Variants in PDSS2 observed in about 807,000 individuals in gnomAD.
The protein encoded by PDSS2 is decaprenyl diphosphate synthase subunit 2, also known as all trans-polyprenyl-diphosphate synthase PDSS2.
Under a neutral mutation model 44.5 loss-of-function variants are expected in PDSS2, and 31 were observed. The observed-to-expected ratio is 0.70, with a 90% CI of 0.52 to 0.94. The LOEUF (loss-of-function observed/expected upper bound fraction) is 0.94. PDSS2 is among the 40% of genes least tolerant of loss of function. The pLI, the probability that PDSS2 is intolerant of heterozygous loss-of-function variation, is 0.00. For missense variants in PDSS2, 452 were observed against 482.2 expected (o/e 0.94, Z 0.59); for synonymous variants, 157 against 180.3 (o/e 0.87, Z 1.03).
chr6:107,444,151 C>G (rs1781594506), intron 1 of PDSS2, among the ~76,000 whole-genome samples: 1 of 152,140 alleles, frequency 6.6e-6, no homozygotes, highest in South Asian at 2.1e-4. Context: ...CTTCAGCCTT[C>G]CAAGTAGCTG....
intron 1 of PDSS2, among the ~76,000 whole-genome samples, chr6:107,387,644 TA>T (rs1200197242): frequency 1.3e-5 from 2 of 152,106 alleles, no homozygotes; most frequent in African/African-American, 4.8e-5. Flanking sequence ...TACTGAAGCA[TA>T]AAGGTCTGAA....
intron 1 of PDSS2, among the ~76,000 whole-genome samples, chr6:107,442,314 G>A (rs1277095196): frequency 6.6e-6 from 1 of 152,134 alleles, no homozygotes; most frequent in Non-Finnish European, 1.5e-5. Flanking sequence ...CTACTCGGGA[G>A]GCTGAGGCAG....
At chr6:107,195,271 G>A (rs1459745749) in intron 6 of PDSS2, among the ~76,000 whole-genome samples, 1 of 151,918 alleles carries the variant, frequency 6.6e-6, no homozygotes, top group East Asian at 1.9e-4. Context: ...GTTTGAGCCC[G>A]TGAGTTCAAG....
chr6:107,448,107 C>A (rs981673967), intron 1 of PDSS2, among the ~76,000 whole-genome samples: 1 of 152,122 alleles, frequency 6.6e-6, no homozygotes, highest in African/African-American at 2.4e-5. Context: ...GGACCTGGCC[C>A]AGGAAACCAT....
intron 3 of PDSS2, among the ~76,000 whole-genome samples, chr6:107,248,731 T>C (rs1307937496): frequency 6.6e-6 from 1 of 152,208 alleles, no homozygotes; most frequent in Non-Finnish European, 1.5e-5. Context: ...CTTTTACAAA[T>C]GCAAGTCTTA....
chr6:107,190,863 C>G (rs367746731), intron 7 of PDSS2, among the ~76,000 whole-genome samples: 1 of 152,010 alleles, frequency 6.6e-6, no homozygotes. Flanking sequence ...CAGCAAGCTC[C>G]GAATGTGCCG....
At chr6:107,336,828 GTGTGTGT>G (rs1777910527) in intron 1 of PDSS2, among the ~76,000 whole-genome samples, 23 of 724 alleles carry the variant, frequency 0.032, no homozygotes, top group Non-Finnish European at 0.087. Flanking sequence ...GGTGTGTGGT[GTGTGTGT>G]GTGTGTGTGT....
intron 2 of PDSS2, among the ~76,000 whole-genome samples, chr6:107,323,138 T>C (rs1164552537): frequency 6.6e-6 from 1 of 152,200 alleles, no homozygotes; most frequent in Non-Finnish European, 1.5e-5. Context: ...GGTTTATCAG[T>C]GGACATGGGT....
chr6:107,221,064 C>A (rs543620830), intron 4 of PDSS2, among the ~76,000 whole-genome samples: 1 of 152,140 alleles, frequency 6.6e-6, no homozygotes, highest in Non-Finnish European at 1.5e-5. Flanking sequence ...TATATCAGGA[C>A]GGGCGCGGTG....
chr6:107,243,627 A>G (rs1289579050), intron 4 of PDSS2, among the ~76,000 whole-genome samples: 2 of 152,246 alleles, frequency 1.3e-5, no homozygotes, highest in Admixed American at 6.5e-5. Context: ...TATAATTATC[A>G]TAGAGTGGGA....
At chr6:107,192,330 G>T in intron 7 of PDSS2, 1 of 508,402 alleles carries the variant, frequency 2.0e-6, no homozygotes, top group South Asian at 1.5e-5. Context: ...GGAGAGAAAG[G>T]ACTTGACAGC....
At chr6:107,434,193 C>T (rs918537811) in intron 1 of PDSS2, among the ~76,000 whole-genome samples, 3 of 152,156 alleles carry the variant, frequency 2.0e-5, no homozygotes, top group African/African-American at 2.4e-5. Context: ...GAAAACAGTA[C>T]GCAAGTTCCT....
At chr6:107,320,696 A>ATAC (rs1417181130) in intron 2 of PDSS2, among the ~76,000 whole-genome samples, 6 of 152,220 alleles carry the variant, frequency 3.9e-5, no homozygotes, top group African/African-American at 1.4e-4. Flanking sequence ...TTTAAATTAT[A>ATAC]TAGAGCCCCA....
At chr6:107,206,363 T>C (rs946113140) in intron 6 of PDSS2, among the ~76,000 whole-genome samples, 14 of 152,186 alleles carry the variant, frequency 9.2e-5, no homozygotes, top group Non-Finnish European at 1.6e-4. Context: ...TGAGCCACCA[T>C]GCCCGGCCTG....
intron 6 of PDSS2, among the ~76,000 whole-genome samples, chr6:107,202,963 T>G (rs1003817264): frequency 1.3e-5 from 2 of 152,070 alleles, no homozygotes; most frequent in African/African-American, 4.8e-5. Flanking sequence ...GTCTTGTTAT[T>G]TCTTTGTAAC....
At chr6:107,244,066 T>C (rs1224872842) in intron 4 of PDSS2, among the ~76,000 whole-genome samples, 1 of 152,128 alleles carries the variant, frequency 6.6e-6, no homozygotes, top group African/African-American at 2.4e-5. Context: ...AGGCTGAGGT[T>C]GTGGTGAGCC....
rs1446805737 is a variant in PDSS2 at position 107,262,771 on chromosome 6, C to CA, written c.630+11257dup. Among the ~76,000 whole-genome samples, 209 of 137,896 alleles carry CA rather than the reference C, an allele frequency of 1.5e-3. 1 individual carries two copies. The highest frequency in any genetic ancestry group is 6.9e-3 in the Admixed American group (94 of 13,676). The allele number at this position is 137,896 out of a possible 152,430, so 90.5% of individuals were successfully genotyped here. A position where few individuals can be genotyped will look rare whatever the true frequency, so the allele number is the denominator to read the frequency against. On this transcript the variant is annotated intron_variant, in intron 3 of 7. Transcript: ENST00000369037. ...TGGGTGACAGAATGAGACTCTGTCT[C>CA]AAAAAAAAAAGAAAAAAAAAGGAAA...
chr6:107,432,969 A>G (rs557041973), intron 1 of PDSS2, among the ~76,000 whole-genome samples: 95 of 152,084 alleles, frequency 6.2e-4, no homozygotes, highest in African/African-American at 2.2e-3. Flanking sequence ...CCACAATTCT[A>G]ATTCTTTAAG....
rs905226986 is a variant in PDSS2, at chr6:107,264,458, C to G, written c.630+9571G>C. The G allele has an allele frequency of 1.4e-5, 21 of 1,549,718 alleles. No homozygotes were observed. In the Admixed American group the frequency reaches 4.1e-4, roughly 30 times the overall value. On this transcript the variant is annotated intron_variant, in intron 3 of 7. Transcript: ENST00000369037. Reference sequence around the variant, plus strand: ...CTTGGGTGTTTAGACAAGATCCAGGCTGACTCACAGTCTCCCATCTGATAT... The same window carrying G: ...CTTGGGTGTTTAGACAAGATCCAGGGTGACTCACAGTCTCCCATCTGATAT...
Sources: gnomAD v4.1 joint callset for allele counts (sites outside exome capture counted in the v4.1 genomes callset) on GRCh38, gnomAD v4.1.1 for gene constraint, MANE v1.5 for transcripts, NCBI Gene and HGNC (gene_info 2026-07-23, HGNC 2026-07-21) for gene names.